The following MAP2 variants were observed in gnomAD, a reference collection of about 807,000 sequenced individuals.
MAP2 encodes the protein microtubule associated protein 2, also known as microtubule-associated protein 2.
A neutral mutation model predicts 137.6 loss-of-function variants in MAP2; 14 were observed. The observed-to-expected ratio is 0.10, with a 90% confidence interval of 0.07 to 0.16. MAP2 has a LOEUF of 0.16. MAP2 is among the 10% of genes least tolerant of loss of function. The pLI, the probability that MAP2 is intolerant of heterozygous loss-of-function variation, is 1.00. For missense variants in MAP2, 2,088 were observed against 2,191.5 expected (o/e 0.95, Z 0.94); for synonymous variants, 786 against 782.3 (o/e 1.00, Z -0.08).
intron 4 of MAP2, among the ~76,000 whole-genome samples, chr2:209,648,788 CAA>C (rs767514301): frequency 1.9e-4 from 15 of 80,502 alleles, no homozygotes; most frequent in Non-Finnish European, 1.8e-4. Context: ...GACTCCGTCT[CAA>C]AAAAAAAAAA....
intron 2 of MAP2, among the ~76,000 whole-genome samples, chr2:209,562,499 C>G (rs537451110): frequency 1.3e-5 from 2 of 151,998 alleles, no homozygotes; most frequent in East Asian, 3.9e-4. Flanking sequence ...GAGTTTGAAA[C>G]CAGCCTGTCC....
chr2:209,578,212 G>T (rs2075653860), intron 2 of MAP2, among the ~76,000 whole-genome samples: 1 of 152,128 alleles, frequency 6.6e-6, no homozygotes, highest in African/African-American at 2.4e-5. Context: ...TGTGGACTAG[G>T]CTAAGTGGTT....
intron 3 of MAP2, among the ~76,000 whole-genome samples, chr2:209,593,669 ATATATG>A (rs1468195530): frequency 1.3e-4 from 11 of 83,842 alleles, no homozygotes; most frequent in African/African-American, 5.1e-4. Context: ...ATATATATAT[ATATATG>A]TATTATAAAA....
chr2:209,628,760 C>T (rs2092680205), intron 4 of MAP2, among the ~76,000 whole-genome samples: 3 of 152,144 alleles, frequency 2.0e-5, no homozygotes, highest in African/African-American at 7.2e-5. Flanking sequence ...GACATGATCT[C>T]CTCTCATGGA....
At chr2:209,562,401 A>T (rs1395308686) in intron 2 of MAP2, among the ~76,000 whole-genome samples, 4 of 152,044 alleles carry the variant, frequency 2.6e-5, no homozygotes. Context: ...AGCTTGAAAA[A>T]AAAAGCTAAT....
At chr2:209,434,224 C>T (rs772600109) in intron 1 of MAP2, among the ~76,000 whole-genome samples, 6 of 151,984 alleles carry the variant, frequency 3.9e-5, no homozygotes, top group Non-Finnish European at 8.8e-5. Flanking sequence ...GCTTTAAATA[C>T]ACTTTGCAGA....
chr2:209,691,192 T>G (rs934793804), intron 7 of MAP2, among the ~76,000 whole-genome samples: 17 of 151,972 alleles, frequency 1.1e-4, no homozygotes, highest in African/African-American at 4.1e-4. Context: ...ACATGTATAT[T>G]TTTGTTTTTA....
chr2:209,532,845 T>G (rs1002168820), intron 2 of MAP2, among the ~76,000 whole-genome samples: 3 of 152,206 alleles, frequency 2.0e-5, no homozygotes, highest in African/African-American at 7.2e-5. Context: ...ATTTGATGAA[T>G]TTTTCACCAG....
At chr2:209,464,024 A>G (rs941348055) in intron 1 of MAP2, among the ~76,000 whole-genome samples, 8 of 152,134 alleles carry the variant, frequency 5.3e-5, no homozygotes, top group African/African-American at 1.7e-4. Context: ...CAGGTGTTCA[A>G]ATCACAGAGT....
intron 3 of MAP2, among the ~76,000 whole-genome samples, chr2:209,594,585 G>T (rs1029600926): frequency 6.6e-6 from 1 of 151,876 alleles, no homozygotes; most frequent in East Asian, 1.9e-4. Flanking sequence ...TTTCTCCTAG[G>T]GTTACACTGT....
At chr2:209,533,924 A>T (rs1347463845) in intron 2 of MAP2, among the ~76,000 whole-genome samples, 1 of 152,122 alleles carries the variant, frequency 6.6e-6, no homozygotes, top group African/African-American at 2.4e-5. Flanking sequence ...TTATTAACAC[A>T]AGGAGAGTGA....
At chr2:209,472,330 G>A (rs1208454834) in intron 1 of MAP2, among the ~76,000 whole-genome samples, 6 of 152,118 alleles carry the variant, frequency 3.9e-5, no homozygotes, top group African/African-American at 1.4e-4. Flanking sequence ...AGGAGAAAAT[G>A]GGTCCCTTAG....
chr2:209,658,777 G>A (rs1253694145), intron 5 of MAP2, among the ~76,000 whole-genome samples: 1 of 152,076 alleles, frequency 6.6e-6, no homozygotes, highest in Non-Finnish European at 1.5e-5. Context: ...AAAGTGCTGG[G>A]ATTACAGGCG....
chr2:209,693,306 T>C lies in MAP2; in HGVS notation c.1136T>C (p.Met379Thr), dbSNP rs1347211988. ...CCCCATGAGGCTAAACCTGACAAAA[T>C]GGCAGAAGCACCACCCTCAGAGGCA... ...EEPHEAKPDKMAEAPPSEAMT... is the reference protein window; with the variant it reads ...EEPHEAKPDKTAEAPPSEAMT... The change falls in exon 8 of 16, where the codon ATG becomes ACG. Residue 379 changes from methionine (M) to threonine (T), a missense_variant. This residue lies in a region of MAP2 where 859 missense variants were observed against 794.5 expected (regional missense o/e 1.08). Transcript: ENST00000682079. The C allele has an allele frequency of 5.6e-6, 9 of 1,613,766 alleles. No homozygotes were observed. The Admixed American group carries it at 1.5e-4, about 27-fold the overall frequency.
At position 209,692,675 on chromosome 2, in the gene MAP2, C is replaced by A. The variant is rs1406614648; in HGVS notation, c.505C>A (p.Pro169Thr). ...MEFHDQQELTPSTAEPSDQKE... is the reference protein window; with the variant it reads ...MEFHDQQELTTSTAEPSDQKE... ...GTTCCACGATCAACAGGAATTGACT[C>A]CCTCTACAGCTGAGCCTTCAGACCA... The change falls in exon 8 of 16, where the codon CCC becomes ACC. Residue 169 changes from proline to threonine, a missense_variant. Around this residue, in one of 6 missense-constraint regions of MAP2, gnomAD observed 859 missense variants for 794.5 expected, o/e 1.08. Transcript: ENST00000682079. The A allele has an allele frequency of 6.2e-7, 1 of 1,601,614 alleles. No individual in the cohort carries two copies. Among genetic ancestry groups the A allele is most frequent in the Non-Finnish European group, 8.5e-7 (1 of 1,176,748 alleles).
intron 3 of MAP2, among the ~76,000 whole-genome samples, chr2:209,599,377 C>T (rs1189141600): frequency 6.6e-6 from 1 of 152,064 alleles, no homozygotes; most frequent in Non-Finnish European, 1.5e-5. Flanking sequence ...CTCTTCTCTT[C>T]ACCCAAAAAG....
intron 13 of MAP2, among the ~76,000 whole-genome samples, chr2:209,715,912 CTAAGTGT>C (rs2067397008): frequency 6.6e-6 from 1 of 152,150 alleles, no homozygotes; most frequent in East Asian, 1.9e-4. Flanking sequence ...AACCAAAAAT[CTAAGTGT>C]TGACTTTTCC....
intron 1 of MAP2, among the ~76,000 whole-genome samples, chr2:209,488,617 A>G (rs1418875683): frequency 6.6e-6 from 1 of 152,076 alleles, no homozygotes; most frequent in Non-Finnish European, 1.5e-5. Context: ...GGTGTCTGCC[A>G]TTACTGAGGC....
chr2:209,564,247 C>A (rs1415875922), intron 2 of MAP2, among the ~76,000 whole-genome samples: 3 of 152,164 alleles, frequency 2.0e-5, no homozygotes, highest in African/African-American at 7.2e-5. Context: ...ATTCAGTATG[C>A]TTTGTTCTCA....
Sources: allele counts gnomAD v4.1 joint callset (sites outside exome capture counted in the v4.1 genomes callset), GRCh38; gene constraint gnomAD v4.1.1; regional missense constraint gnomAD v4.1.1; transcripts MANE v1.5; gene names NCBI Gene and HGNC (gene_info 2026-07-23, HGNC 2026-07-21).